The following LRP1B variants were observed in gnomAD, a reference collection of about 807,000 sequenced individuals.
LRP1B encodes LDL receptor related protein 1B.
Under a neutral mutation model 556.6 loss-of-function variants are expected in LRP1B, and 217 were observed. The ratio of observed to expected loss-of-function variants is 0.39; its 90% CI spans 0.35 to 0.44. LRP1B has a LOEUF of 0.44. LRP1B is among the 20% of genes least tolerant of loss of function. The pLI, the probability that LRP1B is intolerant of heterozygous loss-of-function variation, is 1.00. For missense variants in LRP1B, 5,053 were observed against 5,620.8 expected, an observed-to-expected ratio of 0.90 and a Z score of 3.23; for synonymous variants, 2,047 against 1,865.8, an observed-to-expected ratio of 1.10 and a Z score of -2.50.
In LRP1B at chr2:142,054,079, T is replaced by C. The variant is rs148193282; in HGVS notation, c.82+76569A>G. ...AGGTACTCTCAATTCTATTCCATCA[T>C]GCATATTTTTATAAGGGCAAATATG... On this transcript the variant is annotated intron_variant, in intron 1 of 90. Coordinates refer to ENST00000389484, the MANE Select transcript of LRP1B (RefSeq NM_018557.3). Among the ~76,000 whole-genome samples the C allele has an allele frequency of 5.8e-4, 88 of 152,254 alleles. No individual in the cohort carries two copies. The East Asian group carries it at 0.015, about 26-fold the overall frequency.
intron 2 of LRP1B, among the ~76,000 whole-genome samples, chr2:141,736,648 C>T (rs1234505572): frequency 6.6e-6 from 1 of 152,136 alleles, no homozygotes; most frequent in Non-Finnish European, 1.5e-5. Flanking sequence ...AGAAAAGCAA[C>T]GCAGATGCCA....
chr2:142,065,851 T>C (rs1705090174), intron 1 of LRP1B, among the ~76,000 whole-genome samples: 1 of 151,412 alleles, frequency 6.6e-6, no homozygotes. Context: ...CCAGATCCCT[T>C]TGAAATCATT....
At chr2:140,628,673 T>C (rs1252217209) in intron 41 of LRP1B, among the ~76,000 whole-genome samples, 2 of 152,226 alleles carry the variant, frequency 1.3e-5, no homozygotes, top group African/African-American at 4.8e-5. Context: ...TTATCATTTA[T>C]ATTGTTAATT....
At chr2:141,617,642 T>A (rs382892) in intron 2 of LRP1B, among the ~76,000 whole-genome samples, 6 of 152,282 alleles carry the variant, frequency 3.9e-5, no homozygotes, top group African/African-American at 1.2e-4. Flanking sequence ...AAATGAGTTA[T>A]CCAGTAATAA....
At chr2:140,454,307 C>A (rs145216937) in intron 62 of LRP1B, among the ~76,000 whole-genome samples, 1 of 152,148 alleles carries the variant, frequency 6.6e-6, no homozygotes, top group African/African-American at 2.4e-5. Flanking sequence ...TGCCACCATG[C>A]CCAGCTAATT....
intron 1 of LRP1B, among the ~76,000 whole-genome samples, chr2:141,891,008 A>T (rs945572810): frequency 2.6e-5 from 4 of 152,166 alleles, no homozygotes; most frequent in South Asian, 2.1e-4. Context: ...AGCCATTTAA[A>T]AGGAATAATG....
At chr2:140,462,686 T>G (rs11896333) in intron 60 of LRP1B, among the ~76,000 whole-genome samples, 12,105 of 152,282 alleles carry the variant, frequency 0.079, 606 homozygotes, top group African/African-American at 0.14. Context: ...GTCAGCTTTC[T>G]GGCACAGGAA....
At chr2:141,585,421 T>TTGTGTG (rs1687102057) in intron 2 of LRP1B, among the ~76,000 whole-genome samples, 1 of 105,030 alleles carries the variant, frequency 9.5e-6, no homozygotes, top group South Asian at 3.5e-4. Context: ...CCTGAAATAA[T>TTGTGTG]CGTGTGTGTG....
intron 3 of LRP1B, among the ~76,000 whole-genome samples, chr2:141,375,199 G>A (rs780246034): frequency 3.3e-5 from 5 of 152,082 alleles, no homozygotes; most frequent in Non-Finnish European, 7.4e-5. Context: ...TATTAGTTGA[G>A]GTAGTGGTGA....
chr2:141,911,648 T>A (rs1012359654), intron 1 of LRP1B, among the ~76,000 whole-genome samples: 7 of 152,208 alleles, frequency 4.6e-5, no homozygotes, highest in African/African-American at 7.2e-5. Context: ...CTGCTGCCCT[T>A]TGGATCCAGC....
intron 35 of LRP1B, among the ~76,000 whole-genome samples, chr2:140,750,334 G>C (rs1432341917): frequency 6.6e-6 from 1 of 152,072 alleles, no homozygotes; most frequent in Admixed American, 6.6e-5. Flanking sequence ...CAAATGGGAG[G>C]AATCTGACTA....
At position 141,974,758 on chromosome 2, in the gene LRP1B, A is replaced by T. The variant is rs116139655; in HGVS notation, c.82+155890T>A. On this transcript the variant is annotated intron_variant, in intron 1 of 90. Transcript: ENST00000389484. The stretch of plus-strand genomic sequence containing the variant: ...AAGGAAAAAGACAACTAGCCTGACA[A>T]CTACTGTTCCAATTTTCCAACCAAA... 3.9e-3 allele frequency among the ~76,000 whole-genome samples: 600 copies of T among 152,266 alleles called. 9 individuals carry two copies. Among genetic ancestry groups the T allele is most frequent in the African/African-American group, 0.014 (577 of 41,572 alleles).
intron 1 of LRP1B, among the ~76,000 whole-genome samples, chr2:141,928,054 C>T (rs1407929052): frequency 6.6e-6 from 1 of 152,052 alleles, no homozygotes; most frequent in East Asian, 1.9e-4. Context: ...CAGCTCACTC[C>T]AGTAGGGCTA....
Position 141,487,513 on chromosome 2 carries a change from T to C in LRP1B, c.206-6980A>G, listed in dbSNP as rs550849112. Among the ~76,000 whole-genome samples the C allele has an allele frequency of 2.6e-5, 4 of 152,298 alleles. No individual in the cohort carries two copies. The South Asian group carries it at 8.3e-4, about 32-fold the overall frequency. On this transcript the variant is annotated intron_variant, in intron 2 of 90. Transcript: ENST00000389484. Reference sequence around the variant, plus strand: ...CATCTCACGAATACTCTCAAAATTATAATGGTTCTCAATTGCTGGTCACAA... The same window carrying C: ...CATCTCACGAATACTCTCAAAATTACAATGGTTCTCAATTGCTGGTCACAA...
chr2:140,586,341 AAAT>A (rs757585662), intron 43 of LRP1B, among the ~76,000 whole-genome samples: 1 of 152,178 alleles, frequency 6.6e-6, no homozygotes, highest in Non-Finnish European at 1.5e-5. Context: ...GAAAAAATAA[AAAT>A]AATAATCTGC....
At chr2:141,179,718 A>C (rs1180894337) in intron 7 of LRP1B, among the ~76,000 whole-genome samples, 1 of 151,862 alleles carries the variant, frequency 6.6e-6, no homozygotes, top group Admixed American at 6.6e-5. Context: ...GAAGAAACCA[A>C]CTTACATCAG....
intron 2 of LRP1B, among the ~76,000 whole-genome samples, chr2:141,588,147 T>C (rs1687205532): frequency 6.6e-6 from 1 of 152,200 alleles, no homozygotes; most frequent in South Asian, 2.1e-4. Flanking sequence ...TATCTTGAGA[T>C]ATATACTCTT....
At chr2:141,567,519 AT>A (rs1448373127) in intron 2 of LRP1B, among the ~76,000 whole-genome samples, 24 of 152,066 alleles carry the variant, frequency 1.6e-4, no homozygotes, top group African/African-American at 5.6e-4. Flanking sequence ...TCAACCTATA[AT>A]TTACATTAAT....
intron 1 of LRP1B, among the ~76,000 whole-genome samples, chr2:141,990,249 T>C (rs886596527): frequency 3.9e-5 from 6 of 152,012 alleles, no homozygotes; most frequent in African/African-American, 1.4e-4. Flanking sequence ...ATAAACAACA[T>C]ATAGCCTACT....
Sources: allele counts gnomAD v4.1 joint callset (sites outside exome capture counted in the v4.1 genomes callset), GRCh38; gene constraint gnomAD v4.1.1; transcripts MANE v1.5; gene names NCBI Gene and HGNC (gene_info 2026-07-23, HGNC 2026-07-21).